Variants in BCAS4 observed in about 807,000 individuals in gnomAD.
BCAS4 encodes the protein breast carcinoma-amplified sequence 4.
A neutral mutation model predicts 15.7 loss-of-function variants in BCAS4; 9 were observed. The observed-to-expected ratio is 0.57, with a 90% CI of 0.34 to 1.00. BCAS4 has a LOEUF of 1.00. BCAS4 is among the 50% of genes least tolerant of loss of function. The pLI is 0.02. For missense variants in BCAS4, 225 were observed against 239.1 expected (o/e 0.94, Z 0.39); for synonymous variants, 101 against 99.5 (o/e 1.02, Z -0.09).
intron 4 of BCAS4, among the ~76,000 whole-genome samples, chr20:50,849,111 C>T (rs989149773): frequency 2.0e-5 from 3 of 152,268 alleles, no homozygotes; most frequent in African/African-American, 7.2e-5. Flanking sequence ...CAGGCCGGCC[C>T]TCCTCCTGGC....
chr20:50,819,452 A>G (rs1346407289), intron 2 of BCAS4, among the ~76,000 whole-genome samples: 3 of 152,116 alleles, frequency 2.0e-5, no homozygotes, highest in South Asian at 2.1e-4. Flanking sequence ...CCTGAGAAGC[A>G]CCGTGTCCGG....
intron 4 of BCAS4, among the ~76,000 whole-genome samples, chr20:50,853,274 A>G (rs994227483): frequency 6.7e-6 from 1 of 150,300 alleles, no homozygotes; most frequent in Non-Finnish European, 1.5e-5. Context: ...CTTCCCAAGT[A>G]GCTGGGACTA....
intron 4 of BCAS4, among the ~76,000 whole-genome samples, chr20:50,845,074 C>T (rs1395043630): frequency 1.3e-5 from 2 of 152,048 alleles, no homozygotes; most frequent in Non-Finnish European, 2.9e-5. Flanking sequence ...GTGTTGGGGC[C>T]GACTCTGTAG....
intron 4 of BCAS4, among the ~76,000 whole-genome samples, chr20:50,874,056 C>T (rs1313510047): frequency 6.6e-6 from 1 of 152,164 alleles, no homozygotes; most frequent in African/African-American, 2.4e-5. Flanking sequence ...TTGGGGGACA[C>T]ATGAAACAGC....
chr20:50,839,867 T>C (rs903699361), intron 3 of BCAS4, among the ~76,000 whole-genome samples: 1 of 152,250 alleles, frequency 6.6e-6, no homozygotes, highest in Non-Finnish European at 1.5e-5. Context: ...CTGATAGAAG[T>C]TAAGTAACTT....
At chr20:50,796,877 CTGGAGTGCAGTGACACA>C (rs2087872254) in intron 1 of BCAS4, among the ~76,000 whole-genome samples, 1 of 151,236 alleles carries the variant, frequency 6.6e-6, no homozygotes, top group Non-Finnish European at 1.5e-5. Flanking sequence ...GTCACCCAGG[CTGGAGTGCAGTGACACA>C]ATCATAGCTC....
At chr20:50,856,544 C>T (rs1978769259) in intron 4 of BCAS4, among the ~76,000 whole-genome samples, 1 of 152,224 alleles carries the variant, frequency 6.6e-6, no homozygotes, top group Admixed American at 6.5e-5. Context: ...TTCAAGGTGC[C>T]ACCCTGATCA....
rs116244114 is a variant in BCAS4 at position 50,824,126 on chromosome 20, G to A, written c.162+5844G>A. 6.2e-3 allele frequency among the ~76,000 whole-genome samples: 950 copies of A among 152,354 alleles called. 11 individuals are homozygous for A. The highest frequency in any genetic ancestry group is 0.022 in the African/African-American group (915 of 41,572). ...GATGAAGTTATCCACAGTAAGGCTG[G>A]ATTTGTAAAGCCTTTCAGCTCAGTG... is the stretch of plus-strand genomic sequence containing the variant. On this transcript the variant is annotated intron_variant, in intron 2 of 4. Coordinates refer to ENST00000371608, the MANE Select transcript of BCAS4 (RefSeq NM_198799.4).
chr20:50,882,367 G>A, the BCAS4 span: 9 of 152,188 alleles, frequency 5.9e-5, 1 homozygote, highest in Non-Finnish European at 1.3e-4. Context: ...TTCCTTTATA[G>A]CCCAACCATA....
At chr20:50,859,663 G>T (rs540321190) in intron 4 of BCAS4, among the ~76,000 whole-genome samples, 1 of 152,088 alleles carries the variant, frequency 6.6e-6, no homozygotes, top group Non-Finnish European at 1.5e-5. Context: ...AAGATGCCAG[G>T]TGTGCGGTGT....
chr20:50,810,654 G>A (rs2088050155), intron 1 of BCAS4, among the ~76,000 whole-genome samples: 3 of 150,442 alleles, frequency 2.0e-5, no homozygotes, highest in South Asian at 2.1e-4. Flanking sequence ...GCAGTGGCGC[G>A]ATCTCGGCTC....
chr20:50,795,022 G>C, upstream of BCAS4: 1 of 1,403,772 alleles, frequency 7.1e-7, no homozygotes, highest in Non-Finnish European at 9.3e-7. Context: ...GGGGCTCCGA[G>C]GCCCGGGCGC....
chr20:50,811,061 G>A (rs1367230953), intron 1 of BCAS4, among the ~76,000 whole-genome samples: 2 of 152,210 alleles, frequency 1.3e-5, no homozygotes, highest in Non-Finnish European at 2.9e-5. Context: ...AAAGGGAACA[G>A]CAGGTGCAAA....
chr20:50,847,592 G>A (rs1190247677), intron 4 of BCAS4, among the ~76,000 whole-genome samples: 1 of 152,238 alleles, frequency 6.6e-6, no homozygotes, highest in Non-Finnish European at 1.5e-5. Context: ...CTGAGGCATA[G>A]AGAGGGTAAG....
At chr20:50,840,474 T>TCG in intron 3 of BCAS4, 1 of 1,016,892 alleles carries the variant, frequency 9.8e-7, no homozygotes, top group Non-Finnish European at 1.6e-6. Flanking sequence ...TGTCAGTAGT[T>TCG]CTTTGATGTG....
chr20:50,845,245 C>T (rs1421694835), intron 4 of BCAS4, among the ~76,000 whole-genome samples: 1 of 152,038 alleles, frequency 6.6e-6, no homozygotes, highest in African/African-American at 2.4e-5. Flanking sequence ...TGCCCTGCAC[C>T]CCATTGGTCC....
chr20:50,809,907 T>C (rs916603066), intron 1 of BCAS4, among the ~76,000 whole-genome samples: 4 of 152,226 alleles, frequency 2.6e-5, no homozygotes, highest in African/African-American at 9.6e-5. Flanking sequence ...CTCAGCTTGG[T>C]TGCAGTTGGT....
intron 4 of BCAS4, among the ~76,000 whole-genome samples, chr20:50,873,110 T>G (rs894103536): frequency 1.9e-4 from 29 of 152,232 alleles, no homozygotes; most frequent in African/African-American, 6.8e-4. Flanking sequence ...TGGGGGTTTC[T>G]TACATTAGTT....
intron 2 of BCAS4, 136 bp from the exon 3 acceptor site, chr20:50,830,143 G>T: frequency 1.5e-6 from 1 of 688,440 alleles, no homozygotes; most frequent in African/African-American, 1.8e-5. Flanking sequence ...GTTGTTCTTG[G>T]GCCTGTATTG....
Sources: gnomAD v4.1 joint callset for allele counts (sites outside exome capture counted in the v4.1 genomes callset) on GRCh38, gnomAD v4.1.1 for gene constraint, MANE v1.5 for transcripts, NCBI Gene and HGNC (gene_info 2026-07-23, HGNC 2026-07-21) for gene names.